HMGCL: variants seen among roughly 807,000 people sequenced by gnomAD.
The protein encoded by HMGCL is hydroxymethylglutaryl-CoA lyase, mitochondrial.
In HMGCL, 26 loss-of-function variants were observed where a neutral mutation model predicts 37.3. The ratio of observed to expected loss-of-function variants is 0.70; its 90% confidence interval spans 0.51 to 0.97. The LOEUF (loss-of-function observed/expected upper bound fraction) is 0.97, where lower values mean the gene tolerates loss of function less well. Ranked by LOEUF, HMGCL falls within the 50% of genes least tolerant of loss-of-function variation. HMGCL has a pLI of 0.00. For synonymous variants in HMGCL, 151 were observed against 148.0 expected (o/e 1.02, Z -0.15); for missense variants, 379 against 398.1 (o/e 0.95, Z 0.41).
chr1:23,816,247 A>G, intron 4 of HMGCL: 1 of 298,358 alleles, frequency 3.4e-6, no homozygotes, highest in Non-Finnish European at 6.5e-6. Flanking sequence ...TTGCCTAAAT[A>G]CAGAACCAAC....
rs1287062115 is a variant in HMGCL at position 23,804,473 on chromosome 1, T to C, written c.803A>G (p.Tyr268Cys). 3 of 1,613,972 alleles carry C rather than the reference T, an allele frequency of 1.9e-6. No individual in the cohort carries two copies. The highest frequency in any genetic ancestry group is 2.7e-5 in the African/African-American group (2 of 74,904). The change falls in exon 8 of 9, where the codon TAC becomes TGC. Residue 268 changes from tyrosine (Y) to cysteine (C), a missense_variant. Physicochemically the swap from Tyr to Cys is radical, Grantham distance 194. Transcript: ENST00000374490. ...CAAGTTTCCTGATGCCCCCTGTGCGTAGGGACAGCCTCCAAGTCCTGCCAC... is the reference window on the plus strand; with the variant it reads ...CAAGTTTCCTGATGCCCCCTGTGCGCAGGGACAGCCTCCAAGTCCTGCCAC... ...SSVAGLGGCP[Y>C]AQGASGNLAT...
chr1:23,822,433 C>A (rs1638738493), intron 1 of HMGCL, among the ~76,000 whole-genome samples: 1 of 152,270 alleles, frequency 6.6e-6, no homozygotes, highest in African/African-American at 2.4e-5. Flanking sequence ...CTCTACCTGT[C>A]TTGATACTGT....
intron 6 of HMGCL, 92 bp downstream of exon 6, chr1:23,810,644 G>C: frequency 9.5e-7 from 1 of 1,052,674 alleles, no homozygotes; most frequent in Non-Finnish European, 1.5e-6. Context: ...TCAGGAACCT[G>C]CCAGAAAGGG....
chr1:23,817,492 G>A lies in HMGCL; in HGVS notation c.236C>T (p.Pro79Leu), dbSNP rs764468396. 1.9e-6 allele frequency: 3 copies of A among 1,610,806 alleles called. No homozygotes were observed. The South Asian group carries it at 3.3e-5, about 18-fold the overall frequency. ...AGGGCTCACCTGGGGAACCCACTTA[G>A]GAGACACAAAGCTGGTGGTTTCTAT... is the stretch of plus-strand genomic sequence containing the variant. ...SVIETTSFVS[P>L]KWVPQMGDHT... Residue 79 changes from proline (P) to leucine (L), a missense_variant, in exon 3 of 9, where the codon CCT (proline) becomes CTT (leucine). Physicochemically the swap from Pro to Leu is moderately conservative, Grantham distance 98. Transcript: ENST00000374490.
At chr1:23,821,173 G>A (rs1358126487) in intron 1 of HMGCL, among the ~76,000 whole-genome samples, 2 of 151,760 alleles carry the variant, frequency 1.3e-5, no homozygotes, top group African/African-American at 2.4e-5. Context: ...TGACCAACAT[G>A]GTGAAACCCC....
At chr1:23,818,253 G>A (rs977989581) in intron 2 of HMGCL, among the ~76,000 whole-genome samples, 1 of 152,176 alleles carries the variant, frequency 6.6e-6, no homozygotes, top group Non-Finnish European at 1.5e-5. Context: ...AAGCTTAGGA[G>A]TTTGAGACCA....
Position 23,825,333 on chromosome 1 carries a change from CCTCGGCGG to C in HMGCL, c.60+15_60+22del. On this transcript the variant is annotated intron_variant, in intron 1 of 8. Coordinates refer to ENST00000374490, the MANE Select transcript of HMGCL (RefSeq NM_000191.3). The stretch of plus-strand genomic sequence containing the variant: ...AGTCAGAGTGCCTGCAGGGCCGCCG[CCTCGGCGG>C]CTCGGGGCACTTACAGCCCGGAGGG... 6.5e-7 allele frequency: 1 copy of C among 1,546,070 alleles called. No individual in the cohort carries two copies. The highest frequency in any genetic ancestry group is 1.2e-5 in the South Asian group (1 of 84,134).
At chr1:23,818,557 T>A (rs11588187) in intron 2 of HMGCL, among the ~76,000 whole-genome samples, 82,820 of 150,084 alleles carry the variant, frequency 0.55, 22,642 homozygotes, top group South Asian at 0.71. Flanking sequence ...TTCCACAAAA[T>A]TTTTTTTTTT....
chr1:23,816,711 T>A lies in HMGCL; in HGVS notation c.312A>T (p.Pro104=). 3.7e-6 allele frequency: 6 copies of A among 1,613,608 alleles called. No homozygotes were observed. The highest frequency in any genetic ancestry group is 5.1e-6 in the Non-Finnish European group (6 of 1,179,530). ...GIQKFPGINY[P]VLTPNLKGFE... Reference sequence around the variant, plus strand: ...AGCCTTTCAAATTTGGGGTCAGGACTGGGTAGTTGATGCCAGGAAACTTCT... The same window carrying A: ...AGCCTTTCAAATTTGGGGTCAGGACAGGGTAGTTGATGCCAGGAAACTTCT... Residue 104 remains proline (P), a synonymous_variant, in exon 4 of 9, where the codon CCA becomes CCT. Transcript: ENST00000374490.
chr1:23,812,912 CAG>C (rs1638545355), intron 5 of HMGCL, among the ~76,000 whole-genome samples: 1 of 151,934 alleles, frequency 6.6e-6, no homozygotes, highest in African/African-American at 2.4e-5. Flanking sequence ...GTTTTTGAGA[CAG>C]AGTCTCACTC....
chr1:23,802,414 T>G lies in HMGCL; in HGVS notation c.*49A>C, dbSNP rs761274469. ...TGTCCCCATCCATGAATCATCTGTG[T>G]GTGCCCCTATTTCCACATCATCCCC... On this transcript the variant is annotated 3_prime_UTR_variant, in exon 9 of 9. Coordinates refer to ENST00000374490, the MANE Select transcript of HMGCL (RefSeq NM_000191.3). 9.3e-7 allele frequency: 1 copy of G among 1,074,844 alleles called. No homozygotes were observed. Among genetic ancestry groups the G allele is most frequent in the Non-Finnish European group, 1.5e-6 (1 of 687,522 alleles). 66.6% of individuals were successfully genotyped at this position (1,074,844 alleles called of 1,614,324 possible).
chr1:23,825,334 C>T (rs895016433), intron 1 of HMGCL, 22 bp downstream of exon 1: 14 of 1,547,772 alleles, frequency 9.0e-6, no homozygotes, highest in Non-Finnish European at 1.2e-5. Context: ...GGGCCGCCGC[C>T]TCGGCGGCTC....
In HMGCL at chr1:23,813,473, G is replaced by A. The variant is rs571984346; in HGVS notation, c.497+717C>T. On this transcript the variant is annotated intron_variant, in intron 5 of 8. Coordinates refer to ENST00000374490, the MANE Select transcript of HMGCL (RefSeq NM_000191.3). ...AGTAGAGATGGGGTTTCACCATGTC[G>A]GCCAGGCTGGTCTTGAACTCTTGAC... is the stretch of plus-strand genomic sequence containing the variant. Among the ~76,000 whole-genome samples the A allele has an allele frequency of 3.4e-4, 52 of 151,736 alleles. No individual in the cohort carries two copies. The South Asian group carries it at 9.2e-3, about 27-fold the overall frequency.
rs1013891648 is a variant in HMGCL, at chr1:23,822,529, C to T, written c.61-1936G>A. On this transcript the variant is annotated intron_variant, in intron 1 of 8. Coordinates refer to ENST00000374490, the MANE Select transcript of HMGCL (RefSeq NM_000191.3). ...AAAGCGGAAGGCACACTGTGTGATC[C>T]GCTAAGGATCTCAACCCCCTGAAGT... Among the ~76,000 whole-genome samples the T allele has an allele frequency of 3.3e-4, 50 of 152,160 alleles. 1 individual carries two copies. Among genetic ancestry groups the T allele is most frequent in the East Asian group, 1.9e-4 (1 of 5,190 alleles).
chr1:23,819,071 T>G (rs1372534437), intron 2 of HMGCL, among the ~76,000 whole-genome samples: 1 of 77,296 alleles, frequency 1.3e-5, no homozygotes, highest in Admixed American at 1.1e-4. Flanking sequence ...GAAAAAATAA[T>G]CAATATATGA....
intron 8 of HMGCL, 66 bp downstream of exon 8, chr1:23,804,334 T>C: frequency 6.2e-7 from 1 of 1,605,288 alleles, no homozygotes. Context: ...CCATCCACTT[T>C]TGTTCTCAGC....
At chr1:23,819,737 ACACACACACACACGCGCGCGTG>A (rs1444687564) in intron 2 of HMGCL, among the ~76,000 whole-genome samples, 1 of 151,166 alleles carries the variant, frequency 6.6e-6, no homozygotes, top group Non-Finnish European at 1.5e-5. Context: ...TCCCAAAAAC[ACACACACACACACGCGCGCGTG>A]CGTACGCGCA....
intron 1 of HMGCL, among the ~76,000 whole-genome samples, chr1:23,824,681 T>C (rs1046658486): frequency 1.2e-4 from 18 of 152,370 alleles, no homozygotes; most frequent in African/African-American, 4.3e-4. Context: ...CAAGGGAATG[T>C]TGTCCGTTTT....
intron 4 of HMGCL, chr1:23,816,410 C>T: frequency 1.9e-6 from 1 of 517,832 alleles, no homozygotes; most frequent in South Asian, 2.1e-5. Flanking sequence ...TTTTATCTGG[C>T]TCTTGCTAAG....
Sources: gnomAD v4.1 joint callset for allele counts (sites outside exome capture counted in the v4.1 genomes callset) on GRCh38, gnomAD v4.1.1 for gene constraint, MANE v1.5 for transcripts, NCBI Gene and HGNC (gene_info 2026-07-23, HGNC 2026-07-21) for gene names.